Variants in CREG2 observed in about 807,000 individuals in gnomAD.
CREG2 encodes cellular repressor of E1A stimulated genes 2, also known as protein CREG2.
CREG2 carries 24 observed loss-of-function variants against 26.2 expected under a neutral mutation model. The observed-to-expected ratio is 0.92, with a 90% CI of 0.66 to 1.29. The LOEUF is 1.29. Ranked by LOEUF, CREG2 falls within the 50% of genes most tolerant of loss-of-function variation. The pLI is 0.00. For missense variants in CREG2, 366 were observed against 398.6 expected (o/e 0.92, Z 0.70); for synonymous variants, 174 against 169.2 (o/e 1.03, Z -0.22).
At chr2:101,386,636 C>T (rs1684970229) in intron 1 of CREG2, among the ~76,000 whole-genome samples, 1 of 152,102 alleles carries the variant, frequency 6.6e-6, no homozygotes, top group South Asian at 2.1e-4. Context: ...TGGGTTTGTG[C>T]CCTGCGCTGG....
At chr2:101,374,627 T>A (rs537541808) in intron 2 of CREG2, among the ~76,000 whole-genome samples, 17 of 152,220 alleles carry the variant, frequency 1.1e-4, no homozygotes, top group Non-Finnish European at 2.2e-4. Context: ...CAGAGATACG[T>A]CTTGGCTCTT....
At chr2:101,382,843 AT>A (rs1684899240) in intron 2 of CREG2, 1 of 985,524 alleles carries the variant, frequency 1.0e-6, no homozygotes, top group East Asian at 1.1e-4. Flanking sequence ...ACCCCAGGCC[AT>A]CCTGGGCATT....
In CREG2 at chr2:101,387,051, C is replaced by T. The variant is rs1684981508; in HGVS notation, c.407G>A (p.Trp136Ter). The T allele has an allele frequency of 8.1e-7, 1 of 1,232,890 alleles. No homozygotes were observed. The highest frequency in any genetic ancestry group is 1.0e-6 in the Non-Finnish European group (1 of 989,038). The allele number at this position is 1,232,890 out of a possible 1,614,324, so 76.4% of individuals were successfully genotyped here. Residue 136 changes from tryptophan (W) to a stop codon, truncating the protein, a stop_gained, in exon 1 of 4, where the codon TGG becomes TAG. Coordinates refer to ENST00000324768, the MANE Select transcript of CREG2 (RefSeq NM_153836.4). LOFTEE classifies it high-confidence loss of function. The surrounding 1 kb of genome is among the most constrained non-coding windows in gnomAD (Gnocchi z 4.7). ...GGTGGACACGGTGGCCAGGCAGCCC[C>T]AGACGCTGGCATGGGCCAGGGAGCG... ...TARSLAHASV[W>*]GCLATVSTHK...
At chr2:101,352,611 C>G (rs1348744227) in intron 3 of CREG2, among the ~76,000 whole-genome samples, 1 of 152,176 alleles carries the variant, frequency 6.6e-6, no homozygotes, top group Non-Finnish European at 1.5e-5. Context: ...AGTTCGAGAC[C>G]AGCCTGGACA....
intron 2 of CREG2, among the ~76,000 whole-genome samples, chr2:101,355,933 G>C (rs1684451654): frequency 1.3e-5 from 2 of 152,278 alleles, no homozygotes; most frequent in Non-Finnish European, 2.9e-5. Flanking sequence ...GCGAGTCAGG[G>C]TGACGTACAC....
chr2:101,368,751 A>G (rs1251097902), intron 2 of CREG2, among the ~76,000 whole-genome samples: 1 of 152,194 alleles, frequency 6.6e-6, no homozygotes, highest in Non-Finnish European at 1.5e-5. Flanking sequence ...GTCTTATAAT[A>G]AAAGAGGCCC....
At chr2:101,355,720 G>C (rs150001842) in intron 2 of CREG2, among the ~76,000 whole-genome samples, 48 of 152,090 alleles carry the variant, frequency 3.2e-4, no homozygotes, top group African/African-American at 1.1e-3. Flanking sequence ...TGGGGTTCGG[G>C]GGGGTGGGAG....
rs115107855 is a variant in CREG2, at chr2:101,356,140, A to T, written c.612-774T>A. On this transcript the variant is annotated intron_variant, in intron 2 of 3. Transcript: ENST00000324768. ...TTCAGCCAGGCTCCTCTCCAAAGTCATGCCGTCTGAAGTTAAGCTGCATCT... is the reference window on the plus strand; with the variant it reads ...TTCAGCCAGGCTCCTCTCCAAAGTCTTGCCGTCTGAAGTTAAGCTGCATCT... Among the ~76,000 whole-genome samples the T allele has an allele frequency of 6.0e-3, 916 of 152,318 alleles. 6 individuals are homozygous for T. Among genetic ancestry groups the T allele is most frequent in the African/African-American group, 0.021 (877 of 41,586 alleles).
chr2:101,354,616 C>A (rs1684427746), intron 3 of CREG2, among the ~76,000 whole-genome samples: 1 of 152,176 alleles, frequency 6.6e-6, no homozygotes, highest in African/African-American at 2.4e-5. Flanking sequence ...CCTGCATGGA[C>A]ACCTGTGGAA....
chr2:101,372,343 T>G (rs1289728370), intron 2 of CREG2, among the ~76,000 whole-genome samples: 1 of 152,240 alleles, frequency 6.6e-6, no homozygotes, highest in Non-Finnish European at 1.5e-5. Context: ...AGTCTTATTT[T>G]CATCACAATA....
Position 101,384,754 on chromosome 2 carries a change from G to A in CREG2, c.442-1052C>T, listed in dbSNP as rs978236029. Among the ~76,000 whole-genome samples the A allele has an allele frequency of 7.2e-5, 11 of 152,274 alleles. No individual in the cohort carries two copies. In the East Asian group the frequency reaches 1.4e-3, roughly 19 times the overall value. ...CACACATCTATAGTCCCAGTTACTC[G>A]AAAGACTGAGGCAGCAGGGTTGCTT... On this transcript the variant is annotated intron_variant, in intron 1 of 3. Coordinates refer to ENST00000324768, the MANE Select transcript of CREG2 (RefSeq NM_153836.4).
At chr2:101,380,159 G>A (rs1284319097) in intron 2 of CREG2, among the ~76,000 whole-genome samples, 8 of 151,900 alleles carry the variant, frequency 5.3e-5, no homozygotes, top group Non-Finnish European at 7.4e-5. Flanking sequence ...TATTAAACAC[G>A]TACACATTAT....
intron 2 of CREG2, among the ~76,000 whole-genome samples, chr2:101,372,116 G>A (rs115028031): frequency 6.6e-6 from 1 of 152,150 alleles, no homozygotes; most frequent in African/African-American, 2.4e-5. Context: ...TGGCAGCCAC[G>A]CTGTGGAACC....
chr2:101,353,190 C>T (rs1042793414), intron 3 of CREG2, among the ~76,000 whole-genome samples: 2 of 152,140 alleles, frequency 1.3e-5, no homozygotes, highest in African/African-American at 4.8e-5. Flanking sequence ...AAAAAATTTT[C>T]ACCCGTTCTG....
At chr2:101,382,859 G>C (rs1684899444) in intron 2 of CREG2, 1 of 985,356 alleles carries the variant, frequency 1.0e-6, no homozygotes, top group African/African-American at 1.7e-5. Flanking sequence ...GGCATTTGCT[G>C]CTCCTCTGGG....
chr2:101,383,731 G>A (rs1397125992), intron 1 of CREG2, 29 bp from the exon 2 acceptor site: 1 of 1,556,956 alleles, frequency 6.4e-7, no homozygotes, highest in Non-Finnish European at 8.7e-7. Flanking sequence ...GGCTTTTTCA[G>A]TGCAGAGCTG....
chr2:101,383,998 T>C (rs545387104), intron 1 of CREG2, among the ~76,000 whole-genome samples: 1 of 152,340 alleles, frequency 6.6e-6, no homozygotes, highest in East Asian at 1.9e-4. Flanking sequence ...ATACTCACTT[T>C]GTTAAATTTC....
chr2:101,355,717 C>T (rs1373517107), intron 2 of CREG2, among the ~76,000 whole-genome samples: 1 of 90,148 alleles, frequency 1.1e-5, no homozygotes, highest in Non-Finnish European at 2.3e-5. Flanking sequence ...GGGTGGGGTT[C>T]GGGGGGGTGG....
chr2:101,387,449 C>G lies in CREG2; in HGVS notation c.9G>C (p.Val3=). The G allele has an allele frequency of 8.3e-7, 1 of 1,206,012 alleles. No individual in the cohort carries two copies. The highest frequency in any genetic ancestry group is 1.6e-5 in the African/African-American group (1 of 62,924). 74.7% of individuals were successfully genotyped at this position (1,206,012 alleles called of 1,614,324 possible). ...GCCGCGCCGGCCGCCGGCCGCGGCG[C>G]ACGGACATCTTGCAGGCAGCACGCC... is the stretch of plus-strand genomic sequence containing the variant. MS[V]RRGRRPARPG... is the part of the protein sequence containing the mutation. The change falls in exon 1 of 4, where the codon GTG becomes GTC. Residue 3 remains valine, a synonymous_variant. Transcript: ENST00000324768. The surrounding 1 kb of genome is among the most constrained non-coding windows in gnomAD (Gnocchi z 4.7).
Sources: allele counts gnomAD v4.1 joint callset (sites outside exome capture counted in the v4.1 genomes callset), GRCh38; gene constraint gnomAD v4.1.1; non-coding constraint Gnocchi (gnomAD v3.1); transcripts MANE v1.5; gene names NCBI Gene and HGNC (gene_info 2026-07-23, HGNC 2026-07-21).